Variants in MSANTD7 observed in about 807,000 individuals in gnomAD.
MSANTD7 encodes zinc finger and SCAN domain containing 29.
chr10:14,842,436 A>G, the MSANTD7 span: 1 of 1,536,198 alleles, frequency 6.5e-7, no homozygotes, highest in East Asian at 2.4e-5. This position sits in a 1 kb window ranked among gnomAD's most constrained non-coding sequence, Gnocchi z 5.2. Flanking sequence ...AAGCGAATGC[A>G]GCAGGAGGGC....
the MSANTD7 span, chr10:14,846,122 TCTTTA>T: frequency 7.8e-3 from 7,654 of 983,734 alleles, 460 homozygotes; most frequent in African/African-American, 0.13. Context: ...ACATATAGAC[TCTTTA>T]CTTTAAAAGA....
chr10:14,840,837 TTTAA>T, the MSANTD7 span, among the ~76,000 whole-genome samples: 6 of 152,254 alleles, frequency 3.9e-5, no homozygotes, highest in Non-Finnish European at 7.3e-5. Flanking sequence ...TATTATTTTA[TTTAA>T]TTCTCTCAAC....
the MSANTD7 span, chr10:14,842,707 A>C: frequency 7.2e-6 from 11 of 1,536,478 alleles, 1 homozygote; most frequent in South Asian, 1.3e-4. The surrounding 1 kb of genome is among the most constrained non-coding windows in gnomAD (Gnocchi z 5.2). Context: ...TTCTAAAATC[A>C]AAAAGGACTC....
At chr10:14,840,158 G>T in the MSANTD7 span, 1 of 1,371,752 alleles carries the variant, frequency 7.3e-7, no homozygotes, top group South Asian at 1.7e-5. Context: ...TGGGCAGAAG[G>T]TATGGAATCA....
chr10:14,844,245 G>C, the MSANTD7 span: 1 of 1,076,154 alleles, frequency 9.3e-7, no homozygotes, highest in South Asian at 1.9e-5. Flanking sequence ...ACCTCACAGG[G>C]TTGTTGTGAG....
the MSANTD7 span, chr10:14,844,951 T>C: frequency 1.0e-6 from 1 of 985,480 alleles, no homozygotes; most frequent in African/African-American, 1.7e-5. Context: ...CAAGATTCCT[T>C]TTCCTCAGAT....
chr10:14,841,113 G>C, the MSANTD7 span: 4 of 152,096 alleles, frequency 2.6e-5, no homozygotes, highest in African/African-American at 7.2e-5. Flanking sequence ...CTTATTTTCT[G>C]TCTCTTACCT....
the MSANTD7 span, chr10:14,843,431 C>T: frequency 1.9e-6 from 3 of 1,550,822 alleles, no homozygotes; most frequent in Non-Finnish European, 2.6e-6. Context: ...GGTGCAGTTG[C>T]TCCCTGTCAG....
chr10:14,845,052 G>A, the MSANTD7 span: 5 of 985,428 alleles, frequency 5.1e-6, no homozygotes, highest in Non-Finnish European at 6.0e-6. Context: ...AGAGGATGGT[G>A]TGGATAAAGA....
At chr10:14,846,546 C>T in the MSANTD7 span, 2 of 985,214 alleles carry the variant, frequency 2.0e-6, no homozygotes, top group Non-Finnish European at 2.4e-6. Flanking sequence ...AGCCAGGAAT[C>T]TGCCTATGTG....
At chr10:14,846,220 A>T in the MSANTD7 span, 1 of 985,256 alleles carries the variant, frequency 1.0e-6, no homozygotes, top group Non-Finnish European at 1.2e-6. Flanking sequence ...ATATGTGTCA[A>T]TTATAGGTAG....
At chr10:14,839,865 AC>A in the MSANTD7 span, 1 of 1,466,328 alleles carries the variant, frequency 6.8e-7, no homozygotes. Context: ...ACGTCTGAAT[AC>A]GTCTAATGAG....
chr10:14,846,134 A>G, the MSANTD7 span: 9 of 984,220 alleles, frequency 9.1e-6, no homozygotes, highest in South Asian at 2.8e-4. Context: ...TTTACTTTAA[A>G]AGAGCATATA....
the MSANTD7 span, chr10:14,838,457 A>G: frequency 1.2e-6 from 2 of 1,604,218 alleles, no homozygotes; most frequent in Non-Finnish European, 1.7e-6. Flanking sequence ...GGCCGTCTAT[A>G]AGGTGAGGGG....
At chr10:14,843,737 A>T in the MSANTD7 span, 1 of 1,537,000 alleles carries the variant, frequency 6.5e-7, no homozygotes. Context: ...GCTATTGGTG[A>T]GGAGGCCAGT....
At chr10:14,839,901 C>G in the MSANTD7 span, 8 of 1,610,758 alleles carry the variant, frequency 5.0e-6, no homozygotes, top group African/African-American at 5.3e-5. Context: ...GTTTTTTTCT[C>G]TAGGATGGCC....
the MSANTD7 span, chr10:14,839,792 A>C: frequency 1.6e-6 from 1 of 617,370 alleles, no homozygotes; most frequent in Non-Finnish European, 2.8e-6. Context: ...CAAGTTTAAA[A>C]TATTGAGATA....
the MSANTD7 span, chr10:14,843,385 A>T: frequency 6.4e-7 from 1 of 1,550,582 alleles, no homozygotes; most frequent in Non-Finnish European, 8.7e-7. Flanking sequence ...CTCTCAAGGG[A>T]CCCCCAGCTA....
the MSANTD7 span, chr10:14,843,878 C>T: frequency 2.6e-6 from 4 of 1,536,256 alleles, no homozygotes; most frequent in Non-Finnish European, 2.6e-6. Flanking sequence ...AGGTTGATTT[C>T]GAATACCAAA....
Sources: gnomAD v4.1 joint callset for allele counts (sites outside exome capture counted in the v4.1 genomes callset) on GRCh38, gnomAD v4.1.1 for gene constraint, Gnocchi (gnomAD v3.1) non-coding constraint, MANE v1.5 for transcripts, NCBI Gene and HGNC (gene_info 2026-07-23, HGNC 2026-07-21) for gene names.